EXOC5: variants seen among roughly 807,000 people sequenced by gnomAD.
The protein encoded by EXOC5 is SEC10-like 1.
A neutral mutation model predicts 90.8 loss-of-function variants in EXOC5; 17 were observed. The ratio of observed to expected loss-of-function variants is 0.19; its 90% CI spans 0.13 to 0.28. EXOC5 has a LOEUF of 0.28. EXOC5 is among the 10% of genes least tolerant of loss of function. The pLI is 1.00. For synonymous variants in EXOC5, 260 were observed against 270.0 expected (o/e 0.96, Z 0.36); for missense variants, 569 against 830.6 (o/e 0.69, Z 3.87).
At position 57,204,941 on chromosome 14, in the gene EXOC5, G is replaced by A. The variant is rs745570942; in HGVS notation, c.*3668C>T. 1 of 151,924 alleles carries A rather than the reference G, an allele frequency of 6.6e-6. No homozygotes were observed. Among genetic ancestry groups the A allele is most frequent in the South Asian group, 2.1e-4 (1 of 4,820 alleles). 9.4% of individuals were successfully genotyped at this position (151,924 alleles called of 1,614,324 possible). A position where few individuals can be genotyped will look rare whatever the true frequency, so the allele number is the denominator to read the frequency against. On this transcript the variant is annotated 3_prime_UTR_variant, in exon 18 of 18. Coordinates refer to ENST00000621441, the MANE Select transcript of EXOC5 (RefSeq NM_006544.4). ...TATCAAACTAAAGGATCTATTTAAC[G>A]TTACGTAAGGAGAATAGCATATAGA...
chr14:57,233,389 C>CAT (rs1448172811), intron 9 of EXOC5, among the ~76,000 whole-genome samples: 1 of 152,016 alleles, frequency 6.6e-6, no homozygotes, highest in African/African-American at 2.4e-5. Context: ...AAAAATTCTA[C>CAT]AGACTGCTCT....
chr14:57,212,321 T>TGGC (rs1418384770), intron 15 of EXOC5, among the ~76,000 whole-genome samples: 3 of 152,226 alleles, frequency 2.0e-5, no homozygotes, highest in Admixed American at 2.0e-4. Context: ...GCAGTATGTG[T>TGGC]AAGCCACTAG....
chr14:57,233,725 G>A lies in EXOC5; in HGVS notation c.855+18C>T. On this transcript the variant is annotated intron_variant, in intron 9 of 17. Transcript: ENST00000621441. The stretch of plus-strand genomic sequence containing the variant: ...TATTGCTTTAAGAACTATTTAATTT[G>A]TTACTATTTAAAATTACCTGTAGTT... 7.0e-7 allele frequency: 1 copy of A among 1,421,022 alleles called. No homozygotes were observed. The highest frequency in any genetic ancestry group is 9.8e-7 in the Non-Finnish European group (1 of 1,021,424). 88.0% of individuals were successfully genotyped at this position (1,421,022 alleles called of 1,614,324 possible).
chr14:57,239,508 G>T, intron 5 of EXOC5, 87 bp downstream of exon 5: 1 of 789,362 alleles, frequency 1.3e-6, no homozygotes, highest in Non-Finnish European at 2.0e-6. Context: ...TTAATTAATG[G>T]GCAAAGAAAA....
intron 3 of EXOC5, among the ~76,000 whole-genome samples, chr14:57,244,990 T>G (rs1251479773): frequency 7.2e-6 from 1 of 138,676 alleles, no homozygotes; most frequent in East Asian, 2.0e-4. Flanking sequence ...AGTAAAACTC[T>G]GCCTCAAAAA....
chr14:57,227,305 GTCATA>G (rs1205308043), intron 12 of EXOC5, among the ~76,000 whole-genome samples: 40 of 152,064 alleles, frequency 2.6e-4, no homozygotes, highest in African/African-American at 9.7e-4. Flanking sequence ...ATATGATTCA[GTCATA>G]TCAATACTAA....
intron 4 of EXOC5, 185 bp downstream of exon 4, chr14:57,243,980 A>G: frequency 1.9e-6 from 1 of 518,316 alleles, no homozygotes; most frequent in Admixed American, 3.5e-5. Context: ...AAACATCTCA[A>G]TATTAACACT....
intron 1 of EXOC5, among the ~76,000 whole-genome samples, chr14:57,260,811 T>C (rs1347011780): frequency 6.6e-6 from 1 of 152,194 alleles, no homozygotes; most frequent in Non-Finnish European, 1.5e-5. Context: ...CAGATATTTT[T>C]CCCACTCTAT....
Position 57,268,696 on chromosome 14 carries a change from C to T in EXOC5, c.-48G>A, listed in dbSNP as rs774251179. 27 of 1,561,722 alleles carry T rather than the reference C, an allele frequency of 1.7e-5. No individual in the cohort carries two copies. Among genetic ancestry groups the T allele is most frequent in the Non-Finnish European group, 2.2e-5 (26 of 1,163,316 alleles). On this transcript the variant is annotated 5_prime_UTR_variant, in exon 1 of 18. An upstream open reading frame in the 5' UTR loses its in-frame stop. Transcript: ENST00000621441. ...CCCCCACTGGATGCCGTCTCCGCTT[C>T]ACATGCTGCGCCTCAGAGGCGCGGC...
intron 1 of EXOC5, among the ~76,000 whole-genome samples, chr14:57,248,070 A>G (rs1884080217): frequency 1.3e-5 from 2 of 151,658 alleles, no homozygotes; most frequent in South Asian, 4.1e-4. Flanking sequence ...AGATCAAATT[A>G]TCCTTTTTTA....
chr14:57,231,805 T>C lies in EXOC5; in HGVS notation c.939-90A>G, dbSNP rs8004554. The C allele has an allele frequency of 3.2e-3, 2,687 of 838,890 alleles. 57 individuals carry two copies. The African/African-American group carries it at 0.039, about 12-fold the overall frequency. 52.0% of individuals were successfully genotyped at this position (838,890 alleles called of 1,614,324 possible). A position where few individuals can be genotyped will look rare whatever the true frequency, so the allele number is the denominator to read the frequency against. On this transcript the variant is annotated intron_variant, in intron 10 of 17. Coordinates refer to ENST00000621441, the MANE Select transcript of EXOC5 (RefSeq NM_006544.4). ...AATACAAATTTTTACAACGTGACTTTCATGACTTATGTTAAGCCACCATTT... is the reference window on the plus strand; with the variant it reads ...AATACAAATTTTTACAACGTGACTTCCATGACTTATGTTAAGCCACCATTT...
intron 4 of EXOC5, chr14:57,243,284 T>G (rs1348777360): frequency 6.6e-6 from 1 of 152,206 alleles, no homozygotes; most frequent in Non-Finnish European, 1.5e-5. Context: ...GAATTATCTG[T>G]ACACACATAA....
rs1487627719 is a variant in EXOC5, at chr14:57,203,880, CA to C, written c.*4728del. 4 of 152,488 alleles carry C rather than the reference CA, an allele frequency of 2.6e-5. No individual in the cohort carries two copies. The highest frequency in any genetic ancestry group is 1.3e-4 in the Admixed American group (2 of 15,246). 9.4% of individuals were successfully genotyped at this position (152,488 alleles called of 1,614,324 possible). ...ATGTTATCAGCAGCATGATGTTGAC[CA>C]TGTTCTAATCCATTCCACCTGCTCA... On this transcript the variant is annotated 3_prime_UTR_variant, in exon 18 of 18. Transcript: ENST00000621441.
rs1371891815 is a variant in EXOC5 at position 57,201,771 on chromosome 14, G to C, written c.*6838C>G. 1 of 151,728 alleles carries C rather than the reference G, an allele frequency of 6.6e-6. No homozygotes were observed. Among genetic ancestry groups the C allele is most frequent in the African/African-American group, 2.4e-5 (1 of 41,312 alleles). 9.4% of individuals were successfully genotyped at this position (151,728 alleles called of 1,614,324 possible). On this transcript the variant is annotated 3_prime_UTR_variant, in exon 18 of 18. Coordinates refer to ENST00000621441, the MANE Select transcript of EXOC5 (RefSeq NM_006544.4). The stretch of plus-strand genomic sequence containing the variant: ...ATGGTGGCATGTGCCTGTAGTCCTA[G>C]CTACTTGGGAGGCTGAGGTGGGAGA...
chr14:57,236,298 T>G (rs555375201), intron 6 of EXOC5, among the ~76,000 whole-genome samples: 25 of 150,956 alleles, frequency 1.7e-4, no homozygotes, highest in African/African-American at 6.1e-4. Flanking sequence ...TTTTTTTTTT[T>G]TTTTTCGAGA....
At chr14:57,232,486 G>A (rs1883516088) in intron 10 of EXOC5, 181 bp downstream of exon 10, 1 of 370,626 alleles carries the variant, frequency 2.7e-6, no homozygotes, top group Non-Finnish European at 4.8e-6. Flanking sequence ...TGACGTTAAT[G>A]TATTAAGAAT....
At chr14:57,267,946 A>G (rs1368722254) in intron 1 of EXOC5, among the ~76,000 whole-genome samples, 1 of 152,132 alleles carries the variant, frequency 6.6e-6, no homozygotes, top group African/African-American at 2.4e-5. Flanking sequence ...ATTTTATAAT[A>G]CACGTAAATG....
Position 57,229,725 on chromosome 14 carries a change from C to A in EXOC5, c.1296+9G>T. On this transcript the variant is annotated intron_variant, in intron 12 of 17. Coordinates refer to ENST00000621441, the MANE Select transcript of EXOC5 (RefSeq NM_006544.4). ...TGTATATGTAAAATACATTTACAATCACTCTTACCCTATGACATCTTTCAA... is the reference window on the plus strand; with the variant it reads ...TGTATATGTAAAATACATTTACAATAACTCTTACCCTATGACATCTTTCAA... The A allele has an allele frequency of 6.9e-7, 1 of 1,457,594 alleles. No homozygotes were observed. 90.3% of individuals were successfully genotyped at this position (1,457,594 alleles called of 1,614,324 possible).
At chr14:57,209,876 A>C in intron 16 of EXOC5, 77 bp downstream of exon 16, 1 of 1,221,742 alleles carries the variant, frequency 8.2e-7, no homozygotes. Flanking sequence ...AGTATAAAAG[A>C]AAAAAATCTA....
Sources: gnomAD v4.1 joint callset for allele counts (sites outside exome capture counted in the v4.1 genomes callset) on GRCh38, gnomAD v4.1.1 for gene constraint, MANE v1.5 for transcripts, NCBI Gene and HGNC (gene_info 2026-07-23, HGNC 2026-07-21) for gene names.